TYR: variants seen among roughly 807,000 people sequenced by gnomAD.
TYR encodes the protein tyrosinase.
A neutral mutation model predicts 51.5 loss-of-function variants in TYR; 58 were observed. That is an observed-to-expected ratio of 1.13 (90% CI 0.91 to 1.40). TYR has a LOEUF of 1.40. Among genes scored for constraint, TYR ranks in the 40% most tolerant of loss-of-function variants. The pLI is 0.00. For missense variants in TYR, 732 were observed against 647.4 expected, an observed-to-expected ratio of 1.13 and a Z score of -1.42; for synonymous variants, 263 against 235.2, an observed-to-expected ratio of 1.12 and a Z score of -1.08.
At chr11:89,187,157 A>C (rs2135249415) in intron 1 of TYR, among the ~76,000 whole-genome samples, 1 of 152,248 alleles carries the variant, frequency 6.6e-6, no homozygotes, top group Non-Finnish European at 1.5e-5. Context: ...AGACTGTGGG[A>C]TACCTATTCC....
intron 3 of TYR, among the ~76,000 whole-genome samples, chr11:89,261,958 A>G (rs1944461670): frequency 6.6e-6 from 1 of 152,212 alleles, no homozygotes; most frequent in South Asian, 2.1e-4. Flanking sequence ...TAATAGTTGA[A>G]TTAAAGAAAG....
chr11:89,195,484 G>T (rs1483027884), intron 2 of TYR, among the ~76,000 whole-genome samples: 3 of 152,028 alleles, frequency 2.0e-5, no homozygotes, highest in East Asian at 1.9e-4. Context: ...CTTGAGACCA[G>T]CCTGGCCAAC....
chr11:89,194,543 T>C (rs1379983118), intron 2 of TYR, among the ~76,000 whole-genome samples: 1 of 152,222 alleles, frequency 6.6e-6, no homozygotes, highest in African/African-American at 2.4e-5. Context: ...TCTTCTACAG[T>C]TGGCATCGTC....
chr11:89,223,246 G>T (rs949107691), intron 2 of TYR, among the ~76,000 whole-genome samples: 10 of 152,194 alleles, frequency 6.6e-5, no homozygotes, highest in South Asian at 2.1e-4. Flanking sequence ...AGATTCAAAT[G>T]AGATTATTTA....
chr11:89,230,286 A>G (rs555791247), intron 3 of TYR, among the ~76,000 whole-genome samples: 1 of 152,290 alleles, frequency 6.6e-6, no homozygotes, highest in African/African-American at 2.4e-5. Flanking sequence ...GGGAAAGGAC[A>G]GTGTCTGCAA....
chr11:89,292,901 G>A (rs1281091715), intron 4 of TYR, among the ~76,000 whole-genome samples: 1 of 152,072 alleles, frequency 6.6e-6, no homozygotes, highest in African/African-American at 2.4e-5. Context: ...TATAGCACAG[G>A]GATTTCAACT....
intron 4 of TYR, among the ~76,000 whole-genome samples, chr11:89,290,729 G>A (rs1204887529): frequency 6.6e-6 from 1 of 151,932 alleles, no homozygotes; most frequent in Non-Finnish European, 1.5e-5. Context: ...TTCCCCCAAA[G>A]TTATACATAT....
At chr11:89,209,603 C>A (rs999903556) in intron 2 of TYR, among the ~76,000 whole-genome samples, 1 of 152,166 alleles carries the variant, frequency 6.6e-6, no homozygotes, top group African/African-American at 2.4e-5. Context: ...CTGAAGAGAG[C>A]AGTGGCTCTT....
intron 1 of TYR, among the ~76,000 whole-genome samples, chr11:89,181,672 C>T (rs1409765428): frequency 6.6e-6 from 1 of 152,122 alleles, no homozygotes; most frequent in Non-Finnish European, 1.5e-5. Flanking sequence ...CATTTATTAA[C>T]TCTGAGCTGA....
At chr11:89,211,352 A>T (rs1214113504) in intron 2 of TYR, among the ~76,000 whole-genome samples, 3 of 152,204 alleles carry the variant, frequency 2.0e-5, no homozygotes, top group Non-Finnish European at 2.9e-5. Flanking sequence ...AAAGAAAAAA[A>T]GAAGGCCATT....
At chr11:89,186,846 C>G (rs1162095379) in intron 1 of TYR, among the ~76,000 whole-genome samples, 1 of 152,112 alleles carries the variant, frequency 6.6e-6, no homozygotes, top group African/African-American at 2.4e-5. Flanking sequence ...TCCAACAGTA[C>G]TGATGTCCTC....
chr11:89,245,929 A>C (rs28620862), intron 3 of TYR, among the ~76,000 whole-genome samples: 70,103 of 151,418 alleles, frequency 0.46, 16,979 homozygotes, highest in Middle Eastern at 0.57. Context: ...TCAAAAAAAA[A>C]AAACAAACAA....
chr11:89,295,201 G>C lies in TYR; in HGVS notation c.1425G>C (p.Trp475Cys), dbSNP rs748052034. 18 of 1,613,992 alleles carry C rather than the reference G, an allele frequency of 1.1e-5. No homozygotes were observed. The highest frequency in any genetic ancestry group is 1.4e-5 in the Non-Finnish European group (17 of 1,179,858). The change falls in exon 5 of 5, where the codon TGG becomes TGC. Residue 475 changes from tryptophan (W) to cysteine (C), a missense_variant. Transcript: ENST00000263321. ...KSYLEQASRI[W>C]SWLLGAAMVG... ...ATTTGGAACAAGCGAGTCGGATCTG[G>C]TCATGGCTCCTTGGGGCGGCGATGG...
Position 89,289,087 on chromosome 11 carries a change from A to G in TYR, c.1366+4133A>G, listed in dbSNP as rs1381752875. On this transcript the variant is annotated intron_variant, in intron 4 of 4. Transcript: ENST00000263321. The stretch of plus-strand genomic sequence containing the variant: ...GGTGATTTTCTCATATGTATAACTA[A>G]TTTACAAGGGGAGGCCAAAAATCTT... 1.1e-4 allele frequency among the ~76,000 whole-genome samples: 17 copies of G among 151,986 alleles called. No homozygotes were observed. The South Asian group carries it at 3.3e-3, about 30-fold the overall frequency.
At chr11:89,235,719 TA>T (rs149648850) in intron 3 of TYR, among the ~76,000 whole-genome samples, 3,738 of 152,162 alleles carry the variant, frequency 0.025, 166 homozygotes, top group African/African-American at 0.086. Flanking sequence ...AGTTGAAGGG[TA>T]CAAAGTTTTA....
intron 2 of TYR, among the ~76,000 whole-genome samples, chr11:89,197,700 G>A (rs184908938): frequency 6.6e-6 from 1 of 152,174 alleles, no homozygotes; most frequent in Admixed American, 6.6e-5. Flanking sequence ...GGATGAAGAT[G>A]AGTTGGTTAG....
At chr11:89,269,436 G>A (rs1421359491) in intron 3 of TYR, among the ~76,000 whole-genome samples, 4 of 151,784 alleles carry the variant, frequency 2.6e-5, no homozygotes, top group African/African-American at 7.3e-5. Flanking sequence ...TTCATAGCAG[G>A]GTGCCTGATA....
intron 3 of TYR, among the ~76,000 whole-genome samples, chr11:89,247,918 A>C (rs1347672392): frequency 6.6e-6 from 1 of 152,226 alleles, no homozygotes; most frequent in Non-Finnish European, 1.5e-5. Flanking sequence ...TATCAGAGCC[A>C]AGGGATGAAC....
intron 2 of TYR, among the ~76,000 whole-genome samples, chr11:89,197,192 A>G (rs1044009018): frequency 6.6e-6 from 1 of 152,164 alleles, no homozygotes; most frequent in African/African-American, 2.4e-5. Flanking sequence ...CCAAAAAATG[A>G]GAAGTTCTAC....
Sources: allele counts gnomAD v4.1 joint callset (sites outside exome capture counted in the v4.1 genomes callset), GRCh38; gene constraint gnomAD v4.1.1; transcripts MANE v1.5; gene names NCBI Gene and HGNC (gene_info 2026-07-23, HGNC 2026-07-21).